The following ZIM2 variants were observed in gnomAD, a reference collection of about 807,000 sequenced individuals.
ZIM2 encodes zinc finger protein 656.
In ZIM2, 14 loss-of-function variants were observed where a neutral mutation model predicts 38.6. The ratio of observed to expected loss-of-function variants is 0.36; its 90% CI spans 0.24 to 0.57. The LOEUF (loss-of-function observed/expected upper bound fraction) is 0.57, where lower values mean the gene tolerates loss of function less well. Among genes scored for constraint, ZIM2 ranks in the 20% least tolerant of loss-of-function variants. The probability of loss-of-function intolerance (pLI) is 0.81; values close to 1 mark genes in which losing one functional copy is unlikely to be tolerated. For synonymous variants in ZIM2, 247 were observed against 245.8 expected (o/e 1.00, Z -0.04); for missense variants, 680 against 695.1 (o/e 0.98, Z 0.24).
At position 56,827,687 on chromosome 19, in the gene ZIM2, T is replaced by C. The variant is rs536170553; in HGVS notation, c.-226-1224A>G. On this transcript the variant is annotated intron_variant, in intron 2 of 12. Coordinates refer to ENST00000629319, the MANE Select transcript of ZIM2 (RefSeq NM_001387356.1). Reference sequence around the variant, plus strand: ...TGACCTATGTGCAAGAATATATTCATTGAAGTGTTGTTAATAGACAAGATA... The same window carrying C: ...TGACCTATGTGCAAGAATATATTCACTGAAGTGTTGTTAATAGACAAGATA... Among the ~76,000 whole-genome samples, 40 of 152,338 alleles carry C rather than the reference T, an allele frequency of 2.6e-4. No homozygotes were observed. The South Asian group carries it at 5.4e-3, about 21-fold the overall frequency.
intron 9 of ZIM2, chr19:56,798,656 T>C (rs2047346434): frequency 6.6e-6 from 1 of 152,084 alleles, no homozygotes; most frequent in Non-Finnish European, 1.5e-5. Context: ...AAAGAAATTA[T>C]CATCAGAGTG....
chr19:56,775,812 C>T (rs1166518749), intron 12 of ZIM2, among the ~76,000 whole-genome samples: 1 of 151,862 alleles, frequency 6.6e-6, no homozygotes, highest in Non-Finnish European at 1.5e-5. Context: ...ATAGAAAGGA[C>T]AGTAAGTGGC....
At chr19:56,838,664 G>C (rs1034560897) in intron 1 of ZIM2, among the ~76,000 whole-genome samples, 1 of 152,196 alleles carries the variant, frequency 6.6e-6, no homozygotes, top group Admixed American at 6.5e-5. Flanking sequence ...CTGTCCTTAA[G>C]CATAAATGGC....
chr19:56,834,093 C>T (rs1010489225), intron 2 of ZIM2, among the ~76,000 whole-genome samples: 5 of 152,112 alleles, frequency 3.3e-5, no homozygotes, highest in African/African-American at 1.2e-4. Context: ...TTTAAAGAGA[C>T]AAAATGTCTT....
In ZIM2 at chr19:56,781,883, G is replaced by GTT; in HGVS notation, c.739+69_739+70insAA. 9 of 1,553,594 alleles carry GTT rather than the reference G, an allele frequency of 5.8e-6. No individual in the cohort carries two copies. In the South Asian group the frequency reaches 1.1e-4, roughly 19 times the overall value. On this transcript the variant is annotated intron_variant, in intron 11 of 12. Coordinates refer to ENST00000629319, the MANE Select transcript of ZIM2 (RefSeq NM_001387356.1). ...TGGTGAACCACCATTACTGATGAGAGGACACGAAGGAGTTGAGAGCTACTG... is the reference window on the plus strand; with the variant it reads ...TGGTGAACCACCATTACTGATGAGAGTTGACACGAAGGAGTTGAGAGCTACTG...
intron 3 of ZIM2, 87 bp from the exon 4 acceptor site, chr19:56,824,514 T>G: frequency 6.2e-7 from 1 of 1,614,108 alleles, no homozygotes; most frequent in Middle Eastern, 1.7e-4. Flanking sequence ...TTCCGAAACC[T>G]CTGATGAAAA....
At chr19:56,838,711 C>A (rs1325630133) in intron 1 of ZIM2, among the ~76,000 whole-genome samples, 1 of 152,238 alleles carries the variant, frequency 6.6e-6, no homozygotes, top group Non-Finnish European at 1.5e-5. Context: ...AGGCACGTCT[C>A]CCGGCTCCCC....
At chr19:56,813,100 C>G in intron 9 of ZIM2, 7 of 984,742 alleles carry the variant, frequency 7.1e-6, no homozygotes, top group Non-Finnish European at 8.4e-6. Context: ...AAAACAATTA[C>G]TCAAAAAGAT....
intron 9 of ZIM2, chr19:56,812,564 CTG>C: frequency 6.1e-6 from 6 of 985,714 alleles, no homozygotes; most frequent in Non-Finnish European, 7.2e-6. Flanking sequence ...TAAGCTGATG[CTG>C]CACAGGGGAC....
chr19:56,784,478 A>C lies in ZIM2; in HGVS notation c.571-2357T>G, dbSNP rs143853064. ...AGTAAGAATCACTGTATGGTAGGTC[A>C]TGATTTCTCAGTCACAGTGTCATAT... is the stretch of plus-strand genomic sequence containing the variant. On this transcript the variant is annotated intron_variant, in intron 10 of 12. Transcript: ENST00000629319. Among the ~76,000 whole-genome samples the C allele has an allele frequency of 2.0e-3, 301 of 152,352 alleles. 2 individuals carry two copies. Among genetic ancestry groups the C allele is most frequent in the African/African-American group, 7.1e-3 (294 of 41,586 alleles).
At position 56,814,521 on chromosome 19, in the gene ZIM2, C is replaced by T. The variant is rs1204745915; in HGVS notation, c.490+3225G>A. The T allele has an allele frequency of 1.2e-6, 2 of 1,613,926 alleles. No individual in the cohort carries two copies. Among genetic ancestry groups the T allele is most frequent in the East Asian group, 2.2e-5 (1 of 44,874 alleles). ...TATAGGAGGACCCGTACTCATAGGG[C>T]TCATTCTTATGAACAGTTACGTGAT... On this transcript the variant is annotated intron_variant, in intron 9 of 12. Coordinates refer to ENST00000629319, the MANE Select transcript of ZIM2 (RefSeq NM_001387356.1). This position sits in a 1 kb window ranked among gnomAD's most constrained non-coding sequence, Gnocchi z 5.8.
chr19:56,810,900 A>C (rs1242928259), intron 9 of ZIM2: 1 of 963,474 alleles, frequency 1.0e-6, no homozygotes, highest in East Asian at 1.1e-4. Context: ...AGACACACAT[A>C]ATACACTGTT....
At chr19:56,788,201 G>T (rs900925059) in intron 10 of ZIM2, among the ~76,000 whole-genome samples, 2 of 151,926 alleles carry the variant, frequency 1.3e-5, no homozygotes, top group Non-Finnish European at 2.9e-5. Flanking sequence ...TGATGTTAGG[G>T]TGTCAATTTT....
intron 9 of ZIM2, among the ~76,000 whole-genome samples, chr19:56,792,161 C>A (rs1216658173): frequency 6.6e-6 from 1 of 151,400 alleles, no homozygotes; most frequent in Non-Finnish European, 1.5e-5. Context: ...AAAAGCCAAA[C>A]CCACATAGGC....
intron 9 of ZIM2, chr19:56,816,999 C>A: frequency 6.2e-7 from 1 of 1,614,164 alleles, no homozygotes; most frequent in Non-Finnish European, 8.5e-7. Context: ...ACTCACCATA[C>A]TCATAGAGGT....
intron 9 of ZIM2, chr19:56,813,546 G>C: frequency 6.9e-7 from 1 of 1,446,186 alleles, no homozygotes; most frequent in Non-Finnish European, 9.1e-7. Flanking sequence ...GTTTAGAGAT[G>C]TTAAGTCAGG....
intron 3 of ZIM2, among the ~76,000 whole-genome samples, chr19:56,826,172 G>A (rs2061009000): frequency 6.6e-6 from 1 of 152,196 alleles, no homozygotes; most frequent in African/African-American, 2.4e-5. Flanking sequence ...ACAGACCAGA[G>A]AGTCCAGGCT....
intron 11 of ZIM2, 24 bp downstream of exon 11, chr19:56,781,929 G>C (rs775109721): frequency 2.2e-5 from 35 of 1,609,622 alleles, no homozygotes; most frequent in Non-Finnish European, 2.9e-5. Context: ...AAGAAACCAA[G>C]TCCTGTGGAG....
At chr19:56,816,684 A>G (rs375629814) in intron 9 of ZIM2, 19 of 1,613,982 alleles carry the variant, frequency 1.2e-5, no homozygotes, top group Admixed American at 3.3e-5. Flanking sequence ...TGTCATCCCC[A>G]AAGTGGATTT....
Sources: allele counts gnomAD v4.1 joint callset (sites outside exome capture counted in the v4.1 genomes callset), GRCh38; gene constraint gnomAD v4.1.1; non-coding constraint Gnocchi (gnomAD v3.1); transcripts MANE v1.5; gene names NCBI Gene and HGNC (gene_info 2026-07-23, HGNC 2026-07-21).